ACKR2: variants seen among roughly 807,000 people sequenced by gnomAD.
ACKR2 encodes C-C chemokine receptor D6.
For missense variants in ACKR2, 457 were observed against 477.3 expected, an observed-to-expected ratio of 0.96 and a Z score of 0.40; for synonymous variants, 207 against 192.2, an observed-to-expected ratio of 1.08 and a Z score of -0.64.
chr3:42,836,100 C>T (rs948827362), intron 2 of ACKR2: 32 of 152,140 alleles, frequency 2.1e-4, no homozygotes, highest in African/African-American at 7.7e-4. Context: ...ATGCATTCCT[C>T]CCCAGAAAAA....
intron 1 of ACKR2, among the ~76,000 whole-genome samples, chr3:42,816,492 T>G (rs1700751743): frequency 6.6e-6 from 1 of 152,070 alleles, no homozygotes; most frequent in African/African-American, 2.4e-5. Context: ...TTAAATATTT[T>G]AGTCTTGAAT....
intron 2 of ACKR2, among the ~76,000 whole-genome samples, chr3:42,862,825 G>A (rs2088398414): frequency 6.6e-6 from 1 of 152,084 alleles, no homozygotes. Flanking sequence ...AACTGAAACT[G>A]GACCCATTCC....
At chr3:42,854,849 A>G (rs1575390599) in intron 2 of ACKR2, among the ~76,000 whole-genome samples, 2 of 145,572 alleles carry the variant, frequency 1.4e-5, no homozygotes, top group African/African-American at 2.5e-5. Context: ...ACTGAATCAT[A>G]CCTTTCTTTT....
At chr3:42,850,702 T>C (rs562871813) in intron 2 of ACKR2, among the ~76,000 whole-genome samples, 60 of 152,148 alleles carry the variant, frequency 3.9e-4, no homozygotes, top group Non-Finnish European at 7.9e-4. Context: ...ATTCATTCAG[T>C]CTCTGCTCTT....
intron 1 of ACKR2, 28 bp from the exon 2 acceptor site, chr3:42,819,603 A>G (rs992469920): frequency 1.3e-5 from 2 of 152,388 alleles, no homozygotes; most frequent in African/African-American, 4.8e-5. Context: ...CAGAACCTCT[A>G]TTGTGTCCTT....
chr3:42,814,350 A>G (rs189759667), intron 1 of ACKR2, among the ~76,000 whole-genome samples: 1 of 152,192 alleles, frequency 6.6e-6, no homozygotes, highest in Non-Finnish European at 1.5e-5. Context: ...ACCCACCTGT[A>G]ATTTATAGAA....
rs1220838551 is a variant in ACKR2 at position 42,866,363 on chromosome 3, G to C, written c.*706G>C. 1 of 152,534 alleles carries C rather than the reference G, an allele frequency of 6.6e-6. No individual in the cohort carries two copies. The highest frequency in any genetic ancestry group is 6.6e-5 in the Admixed American group (1 of 15,260). 9.4% of individuals were successfully genotyped at this position (152,534 alleles called of 1,614,324 possible). ...AGCTAATTTTTATAATTTTAGTAGA[G>C]ATGGGGTTTCACTGCGTTGGCCAGG... On this transcript the variant is annotated 3_prime_UTR_variant, in exon 3 of 3. Transcript: ENST00000422265.
At chr3:42,828,752 A>G (rs556934939) in intron 2 of ACKR2, among the ~76,000 whole-genome samples, 1 of 152,350 alleles carries the variant, frequency 6.6e-6, no homozygotes, top group East Asian at 1.9e-4. Flanking sequence ...TCAAGAATAC[A>G]GTGTGATGAA....
intron 2 of ACKR2, among the ~76,000 whole-genome samples, chr3:42,825,120 T>C (rs369466580): frequency 3.2e-4 from 48 of 152,302 alleles, no homozygotes; most frequent in African/African-American, 1.1e-3. Flanking sequence ...TGTGACTTTG[T>C]AGTAAGTTTT....
At chr3:42,849,117 G>A (rs991459501) in intron 2 of ACKR2, among the ~76,000 whole-genome samples, 11 of 152,216 alleles carry the variant, frequency 7.2e-5, no homozygotes, top group African/African-American at 2.7e-4. Flanking sequence ...ATTTGAATAA[G>A]GTGTGTAGAT....
intron 2 of ACKR2, among the ~76,000 whole-genome samples, chr3:42,840,252 T>C (rs1238994439): frequency 2.1e-5 from 2 of 96,132 alleles, no homozygotes; most frequent in Admixed American, 1.8e-4. Context: ...AGAGCGAGAC[T>C]CCGTCTCAAA....
intron 2 of ACKR2, chr3:42,841,719 C>T (rs879602382): frequency 6.6e-6 from 1 of 152,262 alleles, no homozygotes; most frequent in Non-Finnish European, 1.5e-5. Flanking sequence ...CTAGTAGAGG[C>T]AATGTCTCTA....
chr3:42,838,781 A>G (rs1039788950), intron 2 of ACKR2, among the ~76,000 whole-genome samples: 1 of 152,254 alleles, frequency 6.6e-6, no homozygotes, highest in Admixed American at 6.5e-5. Flanking sequence ...TTTGTTGATT[A>G]CAAAAAAACT....
rs74282547 is a variant in ACKR2, at chr3:42,856,693, C to T, written c.-37-7773C>T. On this transcript the variant is annotated intron_variant, in intron 2 of 2. Transcript: ENST00000422265. Reference sequence around the variant, plus strand: ...TATTAAAAAGTAAAATTCAGAAGTACGGGGTAGAGCTGATTTGCATTTCTC... The same window carrying T: ...TATTAAAAAGTAAAATTCAGAAGTATGGGGTAGAGCTGATTTGCATTTCTC... 8.2e-3 allele frequency among the ~76,000 whole-genome samples: 1,244 copies of T among 151,916 alleles called. 20 individuals carry two copies. The highest frequency in any genetic ancestry group is 0.05 in the East Asian group (255 of 5,082).
At chr3:42,815,344 A>G (rs1700738623) in intron 1 of ACKR2, among the ~76,000 whole-genome samples, 1 of 152,196 alleles carries the variant, frequency 6.6e-6, no homozygotes, top group South Asian at 2.1e-4. Flanking sequence ...ACTTCTTGAC[A>G]AGGACTGCCA....
intron 1 of ACKR2, among the ~76,000 whole-genome samples, chr3:42,816,927 T>A (rs62246640): frequency 6.6e-6 from 1 of 152,090 alleles, no homozygotes; most frequent in Non-Finnish European, 1.5e-5. Context: ...AAAAAAAATT[T>A]GGTAGAGTGG....
chr3:42,832,814 C>G (rs1038327899), intron 2 of ACKR2, among the ~76,000 whole-genome samples: 3 of 152,134 alleles, frequency 2.0e-5, no homozygotes, highest in Non-Finnish European at 4.4e-5. Flanking sequence ...CCACCTTAGC[C>G]TCCTGAGTAG....
At position 42,831,812 on chromosome 3, in the gene ACKR2, A is replaced by G. The variant is rs147837756; in HGVS notation, c.-38+12101A>G. On this transcript the variant is annotated intron_variant, in intron 2 of 2. Transcript: ENST00000422265. ...CTTTATATTAAACTTTCCCTGTTCA[A>G]CTTACTGTGGTTACTGTCTCCTGAC... 2.5e-3 allele frequency among the ~76,000 whole-genome samples: 386 copies of G among 152,240 alleles called. 4 individuals carry two copies. Among genetic ancestry groups the G allele is most frequent in the African/African-American group, 8.7e-3 (363 of 41,532 alleles).
rs191998826 is a variant in ACKR2 at position 42,820,517 on chromosome 3, T to C, written c.-38+806T>C. On this transcript the variant is annotated intron_variant, in intron 2 of 2. Transcript: ENST00000422265. ...CTGAGGCAGGAGAATGGCATGAACC[T>C]GGGAGGCGGAGCTTGCAGTGAGCCC... 6.2e-5 allele frequency among the ~76,000 whole-genome samples: 9 copies of C among 144,900 alleles called. No homozygotes were observed. The East Asian group carries it at 1.4e-3, about 23-fold the overall frequency.
Sources: gnomAD v4.1 joint callset for allele counts (sites outside exome capture counted in the v4.1 genomes callset) on GRCh38, gnomAD v4.1.1 for gene constraint, MANE v1.5 for transcripts, NCBI Gene and HGNC (gene_info 2026-07-23, HGNC 2026-07-21) for gene names.